The following TOGARAM2 variants were observed in gnomAD, a reference collection of about 807,000 sequenced individuals.
The protein encoded by TOGARAM2 is TOG array regulator of axonemal microtubules protein 2.
In TOGARAM2, 85 loss-of-function variants were observed where a neutral mutation model predicts 93.3. The observed-to-expected ratio is 0.91, with a 90% confidence interval of 0.76 to 1.09. The LOEUF (loss-of-function observed/expected upper bound fraction) is 1.09. TOGARAM2 is among the 50% of genes least tolerant of loss of function. The probability of loss-of-function intolerance (pLI) is 0.00; values close to 1 mark genes in which losing one functional copy is unlikely to be tolerated. For missense variants in TOGARAM2, 1,277 were observed against 1,334.5 expected (o/e 0.96, Z 0.67); for synonymous variants, 593 against 552.8 (o/e 1.07, Z -1.02).
intron 1 of TOGARAM2, among the ~76,000 whole-genome samples, chr2:28,988,681 C>T (rs1422138608): frequency 2.0e-5 from 3 of 152,320 alleles, no homozygotes; most frequent in African/African-American, 4.8e-5. Context: ...TCATTCCCCT[C>T]CAGCTACTCT....
chr2:28,977,313 G>T (rs1672051867), upstream of TOGARAM2, among the ~76,000 whole-genome samples: 1 of 152,168 alleles, frequency 6.6e-6, no homozygotes, highest in African/African-American at 2.4e-5. Flanking sequence ...GGGTACCTGA[G>T]ACAGAGATGG....
chr2:29,051,759 T>C lies in TOGARAM2; in HGVS notation c.2726T>C (p.Leu909Pro), dbSNP rs1389436653. ...ACTCTCCTTTTCTGCCTGACAGTGC[T>C]GGTGGCCTCAGTTTACCCCCGGAAG... ...VLDVTDRLAV[L>P]VASVYPRKPQ... The change falls in exon 20 of 20, where the codon CTG becomes CCG. Residue 909 changes from leucine (L) to proline (P), a missense_variant. Coordinates refer to ENST00000379558, the MANE Select transcript of TOGARAM2 (RefSeq NM_199280.4). 6 of 1,503,074 alleles carry C rather than the reference T, an allele frequency of 4.0e-6. No homozygotes were observed. Among genetic ancestry groups the C allele is most frequent in the Non-Finnish European group, 3.6e-6 (4 of 1,116,770 alleles). 93.1% of individuals were successfully genotyped at this position (1,503,074 alleles called of 1,614,324 possible).
rs575223380 is a variant in TOGARAM2 at position 29,049,928 on chromosome 2, G to A, written c.2723-1828G>A. 2.6e-5 allele frequency: 4 copies of A among 152,272 alleles called. No individual in the cohort carries two copies. In the South Asian group the frequency reaches 8.3e-4, roughly 32 times the overall value. The allele number at this position is 152,272 out of a possible 1,614,324, so 9.4% of individuals were successfully genotyped here. On this transcript the variant is annotated intron_variant, in intron 19 of 19. Transcript: ENST00000379558. ...GAGAGTGTCAGGCTGACCAGAGGGTGGCCCAGGGCATCTTCCCTGGTTCCT... is the reference window on the plus strand; with the variant it reads ...GAGAGTGTCAGGCTGACCAGAGGGTAGCCCAGGGCATCTTCCCTGGTTCCT...
chr2:29,003,669 G>A lies in TOGARAM2; in HGVS notation c.817G>A (p.Ala273Thr). ...PGQGVLTGLR[A>T]PRTRLARGSG... Reference sequence around the variant, plus strand: ...CCAGGGAGTCCTCACAGGCCTGAGGGCCCCACGCACGCGGTAAGAGCTCCA... The same window carrying A: ...CCAGGGAGTCCTCACAGGCCTGAGGACCCCACGCACGCGGTAAGAGCTCCA... Residue 273 changes from alanine (A) to threonine (T), a missense_variant, in exon 6 of 20, where the codon GCC becomes ACC. By Grantham distance (58) the Ala-to-Thr change is moderately conservative. Coordinates refer to ENST00000379558, the MANE Select transcript of TOGARAM2 (RefSeq NM_199280.4). The A allele has an allele frequency of 6.5e-7, 1 of 1,547,172 alleles. No individual in the cohort carries two copies. Among genetic ancestry groups the A allele is most frequent in the Non-Finnish European group, 8.7e-7 (1 of 1,148,370 alleles).
At chr2:29,048,718 A>C (rs1572802448) in intron 19 of TOGARAM2, 3 of 133,510 alleles carry the variant, frequency 2.2e-5, no homozygotes, top group Admixed American at 8.5e-5. Flanking sequence ...TCGTTCTGTC[A>C]CCCAGGCTGG....
chr2:28,999,138 T>C, intron 3 of TOGARAM2, 43 bp from the exon 4 acceptor site: 1 of 1,556,410 alleles, frequency 6.4e-7, no homozygotes, highest in South Asian at 1.2e-5. Flanking sequence ...GGTGCCACCC[T>C]GGGTACTGCG....
intron 13 of TOGARAM2, among the ~76,000 whole-genome samples, chr2:29,024,877 A>G (rs1015422448): frequency 6.6e-6 from 1 of 152,074 alleles, no homozygotes; most frequent in Non-Finnish European, 1.5e-5. Context: ...AAGTCGCAAA[A>G]TTTCATTCTC....
Position 29,017,144 on chromosome 2 carries a change from C to T in TOGARAM2, c.1045-10C>T, listed in dbSNP as rs763039115. 1.2e-6 allele frequency: 2 copies of T among 1,611,266 alleles called. No homozygotes were observed. The highest frequency in any genetic ancestry group is 1.7e-6 in the Non-Finnish European group (2 of 1,178,916). ...GGAGGTTAATAGAGTTTGCCTTGAC[C>T]TTGTGCCAGATCCAAGTCACCATCT... On this transcript the variant is annotated splice_polypyrimidine_tract_variant and intron_variant, in intron 8 of 19. Coordinates refer to ENST00000379558, the MANE Select transcript of TOGARAM2 (RefSeq NM_199280.4).
At chr2:28,957,483 G>T (rs906814305) in intron 1 of TOGARAM2, among the ~76,000 whole-genome samples, 6 of 152,156 alleles carry the variant, frequency 3.9e-5, no homozygotes, top group African/African-American at 1.4e-4. Flanking sequence ...GCCTGGCCAA[G>T]AATTGATTTC....
In TOGARAM2 at chr2:28,999,488, C is replaced by T. The variant is rs748017174; in HGVS notation, c.427+20C>T. On this transcript the variant is annotated intron_variant, in intron 4 of 19. Transcript: ENST00000379558. ...CCCGAGGTGAGCACTGGCCCCTGCCCACCCCTCACCCACCCACTTCCAGGT... is the reference window on the plus strand; with the variant it reads ...CCCGAGGTGAGCACTGGCCCCTGCCTACCCCTCACCCACCCACTTCCAGGT... 1.3e-6 allele frequency: 2 copies of T among 1,563,282 alleles called. No homozygotes were observed. Among genetic ancestry groups the T allele is most frequent in the Non-Finnish European group, 1.7e-6 (2 of 1,155,572 alleles).
intron 1 of TOGARAM2, among the ~76,000 whole-genome samples, chr2:28,984,762 A>G (rs1320394830): frequency 6.6e-6 from 1 of 152,200 alleles, no homozygotes; most frequent in East Asian, 1.9e-4. Context: ...AGCCCCAGCC[A>G]ATGGCTGTGT....
chr2:28,990,622 G>T (rs1672673940), intron 1 of TOGARAM2, among the ~76,000 whole-genome samples: 1 of 152,134 alleles, frequency 6.6e-6, no homozygotes, highest in African/African-American at 2.4e-5. Flanking sequence ...CTACTTCCAG[G>T]CCCAGCACGG....
At chr2:28,988,988 T>C (rs1672589914) in intron 1 of TOGARAM2, among the ~76,000 whole-genome samples, 1 of 152,220 alleles carries the variant, frequency 6.6e-6, no homozygotes, top group Non-Finnish European at 1.5e-5. Flanking sequence ...TACCCATCTC[T>C]GCTCAATGCT....
At chr2:29,004,186 T>C (rs1673485540) in intron 6 of TOGARAM2, among the ~76,000 whole-genome samples, 1 of 152,180 alleles carries the variant, frequency 6.6e-6, no homozygotes, top group South Asian at 2.1e-4. Flanking sequence ...TTCAGCATGT[T>C]GGCCAGGCTG....
At chr2:29,004,275 G>A (rs1037270657) in intron 6 of TOGARAM2, among the ~76,000 whole-genome samples, 5 of 152,220 alleles carry the variant, frequency 3.3e-5, no homozygotes, top group African/African-American at 1.2e-4. Flanking sequence ...GAGACACCGT[G>A]CCCGGCTATG....
At position 28,994,844 on chromosome 2, in the gene TOGARAM2, C is replaced by T. The variant is rs369372896; in HGVS notation, c.10C>T (p.Arg4Cys). 7.7e-6 allele frequency: 12 copies of T among 1,552,560 alleles called. No homozygotes were observed. The highest frequency in any genetic ancestry group is 5.9e-5 in the Admixed American group (3 of 51,168). MGT[R>C]DDVPEAKVLV... is the part of the protein sequence containing the mutation. ...CTTCTCCACCCAGGACATGGGCACCCGTGACGATGTCCCCGAAGGTAAGGG... is the reference window on the plus strand; with the variant it reads ...CTTCTCCACCCAGGACATGGGCACCTGTGACGATGTCCCCGAAGGTAAGGG... The change falls in exon 2 of 20, where the codon CGT becomes TGT. Residue 4 changes from arginine (R) to cysteine (C), a missense_variant. Transcript: ENST00000379558.
chr2:28,958,652 C>T (rs1284840747), intron 1 of TOGARAM2, among the ~76,000 whole-genome samples: 6 of 152,138 alleles, frequency 3.9e-5, no homozygotes, highest in Non-Finnish European at 7.3e-5. Flanking sequence ...TGGCTTTTTG[C>T]TGTTCCTTGG....
intron 6 of TOGARAM2, 46 bp downstream of exon 6, chr2:29,003,728 GT>G (rs1418957119): frequency 7.1e-7 from 1 of 1,416,812 alleles, no homozygotes; most frequent in Non-Finnish European, 9.3e-7. Flanking sequence ...CTCTCCCTCT[GT>G]CCCCCTGAGA....
At chr2:29,027,279 C>T (rs1447420281) in intron 14 of TOGARAM2, among the ~76,000 whole-genome samples, 11 of 152,184 alleles carry the variant, frequency 7.2e-5, no homozygotes, top group African/African-American at 1.2e-4. Context: ...TACCTCACCG[C>T]AGCACCATTC....
Sources: allele counts gnomAD v4.1 joint callset (sites outside exome capture counted in the v4.1 genomes callset), GRCh38; gene constraint gnomAD v4.1.1; transcripts MANE v1.5; gene names NCBI Gene and HGNC (gene_info 2026-07-23, HGNC 2026-07-21).